Variants in RAB43 observed in about 807,000 individuals in gnomAD.
The protein encoded by RAB43 is RAB43, member RAS oncogene family, also known as ras-related protein Rab-43.
A neutral mutation model predicts 18.8 loss-of-function variants in RAB43; 6 were observed. The ratio of observed to expected loss-of-function variants is 0.32; its 90% CI spans 0.17 to 0.63. The LOEUF (loss-of-function observed/expected upper bound fraction) is 0.63, where lower values mean the gene tolerates loss of function less well. Ranked by LOEUF, RAB43 falls within the 30% of genes least tolerant of loss-of-function variation. The probability of loss-of-function intolerance (pLI) is 0.79; values close to 1 mark genes in which losing one functional copy is unlikely to be tolerated. For synonymous variants in RAB43, 103 were observed against 124.1 expected, an observed-to-expected ratio of 0.83 and a Z score of 1.13; for missense variants, 195 against 289.1, an observed-to-expected ratio of 0.67 and a Z score of 2.36.
chr3:129,091,439 C>T lies in RAB43; in HGVS notation c.389-93G>A, dbSNP rs111397355. Reference sequence around the variant, plus strand: ...TCACGCTGACAGCCCCATGCCACTCCCTTCCACCACTATAAATGGACACCC... The same window carrying T: ...TCACGCTGACAGCCCCATGCCACTCTCTTCCACCACTATAAATGGACACCC... On this transcript the variant is annotated intron_variant, in intron 2 of 2. Coordinates refer to ENST00000315150, the MANE Select transcript of RAB43 (RefSeq NM_198490.3). The T allele has an allele frequency of 6.7e-4, 960 of 1,435,770 alleles. 1 individual carries two copies. In the African/African-American group the frequency reaches 0.012, roughly 18 times the overall value. 88.9% of individuals were successfully genotyped at this position (1,435,770 alleles called of 1,614,324 possible).
chr3:129,114,303 C>CT (rs1475537899), intron 1 of RAB43, among the ~76,000 whole-genome samples: 1 of 152,122 alleles, frequency 6.6e-6, no homozygotes, highest in East Asian at 1.9e-4. Context: ...TCAGTCCCAA[C>CT]TTTTTTCATT....
chr3:129,098,093 A>C (rs1184384843), intron 1 of RAB43, among the ~76,000 whole-genome samples: 1 of 152,210 alleles, frequency 6.6e-6, no homozygotes, highest in African/African-American at 2.4e-5. Flanking sequence ...TCCAGAGTTG[A>C]GAACAGACCA....
At chr3:129,105,487 CA>C (rs930128771) in intron 1 of RAB43, among the ~76,000 whole-genome samples, 45 of 147,878 alleles carry the variant, frequency 3.0e-4, no homozygotes, top group African/African-American at 1.1e-3. Context: ...CAAAACAAAA[CA>C]AAAAAAACAG....
intron 1 of RAB43, among the ~76,000 whole-genome samples, chr3:129,119,636 C>A (rs1019661751): frequency 1.3e-5 from 2 of 152,152 alleles, no homozygotes; most frequent in African/African-American, 4.8e-5. Context: ...CTCTTCTGCT[C>A]CCTGGGCCCC....
intron 1 of RAB43, 71 bp downstream of exon 1, chr3:129,121,215 G>A: frequency 7.3e-7 from 1 of 1,363,832 alleles, no homozygotes; most frequent in East Asian, 2.5e-5. Context: ...GCTCGCCGCG[G>A]CCAGGGGCTC....
intron 1 of RAB43, among the ~76,000 whole-genome samples, chr3:129,097,160 G>A (rs1934112605): frequency 6.6e-6 from 1 of 152,060 alleles, no homozygotes; most frequent in Non-Finnish European, 1.5e-5. Flanking sequence ...AGCAGCCTAG[G>A]AGAGCAGGAT....
In RAB43 at chr3:129,121,073, C is replaced by G. The variant is rs1025135038; in HGVS notation, c.204+213G>C. On this transcript the variant is annotated intron_variant, in intron 1 of 2. Transcript: ENST00000315150. ...CGCCTCCTCCACACTCCCTCGCCCC[C>G]CCCCCCCCCAGCAACCCACGGCCGG... Among the ~76,000 whole-genome samples the G allele has an allele frequency of 2.3e-4, 34 of 147,318 alleles. 1 individual carries two copies. The highest frequency in any genetic ancestry group is 8.9e-4 in the South Asian group (4 of 4,470).
chr3:129,105,641 A>G (rs1003287574), intron 1 of RAB43, among the ~76,000 whole-genome samples: 4 of 151,778 alleles, frequency 2.6e-5, no homozygotes, highest in Non-Finnish European at 4.4e-5. Flanking sequence ...TTAGCCGTGC[A>G]TGGTGGTGGA....
intron 1 of RAB43, among the ~76,000 whole-genome samples, chr3:129,111,372 G>T (rs746317070): frequency 6.6e-6 from 1 of 151,954 alleles, no homozygotes; most frequent in Non-Finnish European, 1.5e-5. Flanking sequence ...AAAATTAGCC[G>T]GGCGTAGTGG....
chr3:129,097,699 G>A (rs1285902488), intron 1 of RAB43, among the ~76,000 whole-genome samples: 1 of 152,160 alleles, frequency 6.6e-6, no homozygotes, highest in East Asian at 1.9e-4. Context: ...CCAACTTGGA[G>A]CCGGTCAGAG....
intron 1 of RAB43, among the ~76,000 whole-genome samples, chr3:129,102,416 G>A (rs1443047326): frequency 6.6e-6 from 1 of 152,074 alleles, no homozygotes; most frequent in Non-Finnish European, 1.5e-5. Context: ...AGATCACGAG[G>A]TCAGGAGATC....
intron 1 of RAB43, among the ~76,000 whole-genome samples, chr3:129,106,054 A>G (rs1429170291): frequency 1.3e-5 from 2 of 152,208 alleles, no homozygotes. Context: ...GCTGCTTTCC[A>G]GGGATTCCTA....
At chr3:129,096,141 G>C (rs1934036396) in intron 1 of RAB43, among the ~76,000 whole-genome samples, 1 of 152,230 alleles carries the variant, frequency 6.6e-6, no homozygotes, top group African/African-American at 2.4e-5. Flanking sequence ...CAAACACTCG[G>C]GGTGTCTCTT....
chr3:129,095,515 G>A lies in RAB43; in HGVS notation c.205-346C>T, dbSNP rs553316951. Among the ~76,000 whole-genome samples, 10 of 152,302 alleles carry A rather than the reference G, an allele frequency of 6.6e-5. No individual in the cohort carries two copies. In the South Asian group the frequency reaches 1.7e-3, roughly 25 times the overall value. ...AACCACCAGTGCTCAAGCGGCCGGCGGCTGGAAAGCTGGCTCCAGGTGCAC... is the reference window on the plus strand; with the variant it reads ...AACCACCAGTGCTCAAGCGGCCGGCAGCTGGAAAGCTGGCTCCAGGTGCAC... On this transcript the variant is annotated intron_variant, in intron 1 of 2. Coordinates refer to ENST00000315150, the MANE Select transcript of RAB43 (RefSeq NM_198490.3). This position sits in a 1 kb window ranked among gnomAD's most constrained non-coding sequence, Gnocchi z 4.2.
At position 129,121,777 on chromosome 3, in the gene RAB43, G is replaced by A. The variant is rs1346253256; in HGVS notation, c.-288C>T. On this transcript the variant is annotated 5_prime_UTR_variant, in exon 1 of 3. Coordinates refer to ENST00000315150, the MANE Select transcript of RAB43 (RefSeq NM_198490.3). ...CCGGGCCCTCCGCAAAGCTCCGGCC[G>A]GTCCTCAGCTCCGTGCCACACCAGT... 2 of 205,490 alleles carry A rather than the reference G, an allele frequency of 9.7e-6. No individual in the cohort carries two copies. Among genetic ancestry groups the A allele is most frequent in the Non-Finnish European group, 1.9e-5 (2 of 106,918 alleles). The allele number at this position is 205,490 out of a possible 1,614,324, so 12.7% of individuals were successfully genotyped here. A position where few individuals can be genotyped will look rare whatever the true frequency, so the allele number is the denominator to read the frequency against.
chr3:129,113,403 A>G (rs1400090555), intron 1 of RAB43, among the ~76,000 whole-genome samples: 1 of 151,886 alleles, frequency 6.6e-6, no homozygotes, highest in East Asian at 1.9e-4. Flanking sequence ...TGACCACATG[A>G]TCGGCCCGCC....
chr3:129,106,808 T>G (rs1026197344), intron 1 of RAB43, among the ~76,000 whole-genome samples: 5 of 152,154 alleles, frequency 3.3e-5, no homozygotes, highest in Admixed American at 3.3e-4. Flanking sequence ...AGGCCCAGCA[T>G]GAGAAATGGC....
Position 129,095,269 on chromosome 3 carries a change from T to A in RAB43, c.205-100A>T. On this transcript the variant is annotated intron_variant, in intron 1 of 2. Transcript: ENST00000315150. This position sits in a 1 kb window ranked among gnomAD's most constrained non-coding sequence, Gnocchi z 4.2. Reference sequence around the variant, plus strand: ...CCCACACCCAGAGCTGTGGTTCCACTGGGCTAGGAGGCCTTCTGAGTCCTT... The same window carrying A: ...CCCACACCCAGAGCTGTGGTTCCACAGGGCTAGGAGGCCTTCTGAGTCCTT... 2.0e-6 allele frequency: 3 copies of A among 1,478,066 alleles called. No homozygotes were observed. The highest frequency in any genetic ancestry group is 2.7e-6 in the Non-Finnish European group (3 of 1,108,590). 91.6% of individuals were successfully genotyped at this position (1,478,066 alleles called of 1,614,324 possible). A position where few individuals can be genotyped will look rare whatever the true frequency, so the allele number is the denominator to read the frequency against.
Position 129,095,965 on chromosome 3 carries a change from T to A in RAB43, c.205-796A>T, listed in dbSNP as rs535309591. Among the ~76,000 whole-genome samples, 3 of 152,160 alleles carry A rather than the reference T, an allele frequency of 2.0e-5. No individual in the cohort carries two copies. Among genetic ancestry groups the A allele is most frequent in the Admixed American group, 2.0e-4 (3 of 15,298 alleles). ...GGAGGCTGCCCACTCTGGGCAGAGATCACCAGCCAAGGGGCATATGCCAGG... is the reference window on the plus strand; with the variant it reads ...GGAGGCTGCCCACTCTGGGCAGAGAACACCAGCCAAGGGGCATATGCCAGG... On this transcript the variant is annotated intron_variant, in intron 1 of 2. Transcript: ENST00000315150. The surrounding 1 kb of genome is among the most constrained non-coding windows in gnomAD (Gnocchi z 4.2).
Sources: allele counts gnomAD v4.1 joint callset (sites outside exome capture counted in the v4.1 genomes callset), GRCh38; gene constraint gnomAD v4.1.1; non-coding constraint Gnocchi (gnomAD v3.1); transcripts MANE v1.5; gene names NCBI Gene and HGNC (gene_info 2026-07-23, HGNC 2026-07-21).